The following MARCO variants were observed in gnomAD, a reference collection of about 807,000 sequenced individuals.
MARCO encodes the protein macrophage receptor MARCO.
A neutral mutation model predicts 70.0 loss-of-function variants in MARCO; 72 were observed. The observed-to-expected ratio is 1.03, with a 90% CI of 0.85 to 1.25. The LOEUF (loss-of-function observed/expected upper bound fraction) is 1.25. Among genes scored for constraint, MARCO ranks in the 50% most tolerant of loss-of-function variants. The probability of loss-of-function intolerance (pLI) is 0.00; values close to 1 mark genes in which losing one functional copy is unlikely to be tolerated. For missense variants in MARCO, 696 were observed against 659.3 expected (o/e 1.06, Z -0.61); for synonymous variants, 273 against 243.1 (o/e 1.12, Z -1.14).
At chr2:118,971,382 TG>T (rs1558837302) in intron 3 of MARCO, 116 bp from the exon 4 acceptor site, 1 of 976,652 alleles carries the variant, frequency 1.0e-6, no homozygotes, top group Non-Finnish European at 1.6e-6. Flanking sequence ...CACAGTCTGA[TG>T]GGAGCCCCAC....
intron 1 of MARCO, among the ~76,000 whole-genome samples, chr2:118,968,611 C>G (rs558165966): frequency 9.9e-5 from 15 of 152,180 alleles, no homozygotes; most frequent in African/African-American, 1.7e-4. Flanking sequence ...CCTTGTCATG[C>G]CCTGTACATT....
chr2:118,981,094 A>C (rs1486550935), intron 8 of MARCO, among the ~76,000 whole-genome samples: 2 of 152,152 alleles, frequency 1.3e-5, no homozygotes, highest in Non-Finnish European at 2.9e-5. Context: ...AATTGCCAAA[A>C]TGCAGACACT....
intron 1 of MARCO, among the ~76,000 whole-genome samples, chr2:118,953,907 G>T (rs929595976): frequency 3.3e-5 from 5 of 152,200 alleles, no homozygotes; most frequent in Admixed American, 2.6e-4. Flanking sequence ...GCAGCAGAAA[G>T]GCCCTGGGAG....
chr2:118,987,661 G>A (rs1249803046), intron 12 of MARCO, among the ~76,000 whole-genome samples: 1 of 152,192 alleles, frequency 6.6e-6, no homozygotes, highest in Non-Finnish European at 1.5e-5. Flanking sequence ...TTAGGGCAGT[G>A]TTACTCAAAA....
intron 1 of MARCO, among the ~76,000 whole-genome samples, chr2:118,958,966 C>T (rs190928488): frequency 2.8e-4 from 42 of 152,262 alleles, no homozygotes; most frequent in African/African-American, 9.4e-4. Context: ...CCTCCTCTCT[C>T]ACCTTGTACA....
At chr2:118,987,210 C>A (rs375707703) in intron 12 of MARCO, among the ~76,000 whole-genome samples, 1 of 152,192 alleles carries the variant, frequency 6.6e-6, no homozygotes. Flanking sequence ...TTGGGGAAAG[C>A]CAGCTTGCTT....
At chr2:118,973,052 G>A (rs1680203662) in intron 4 of MARCO, among the ~76,000 whole-genome samples, 1 of 151,916 alleles carries the variant, frequency 6.6e-6, no homozygotes, top group Admixed American at 6.5e-5. Context: ...TATGTACATA[G>A]AGAAAAACTC....
intron 8 of MARCO, among the ~76,000 whole-genome samples, chr2:118,978,888 T>C (rs1000649474): frequency 6.6e-6 from 1 of 152,076 alleles, no homozygotes; most frequent in Non-Finnish European, 1.5e-5. Context: ...TCCTGTAACG[T>C]AGAAAGGGAA....
intron 12 of MARCO, among the ~76,000 whole-genome samples, chr2:118,989,389 C>T (rs1281725970): frequency 6.6e-6 from 1 of 152,194 alleles, no homozygotes; most frequent in Admixed American, 6.5e-5. Context: ...TAGCTGCCCT[C>T]TCAGAATCTT....
rs374622106 is a variant in MARCO at position 118,969,162 on chromosome 2, C to A, written c.100C>A (p.Pro34Thr). The change falls in exon 2 of 17, where the codon CCA becomes ACA. Residue 34 changes from proline to threonine, a missense_variant and splice_region_variant. By Grantham distance (38) the Pro-to-Thr change is conservative (BLOSUM62 -1). Transcript: ENST00000327097. ...IAMEPFEINV[P>T]KPKRRNGVNF... The stretch of plus-strand genomic sequence containing the variant: ...CTTCCTCCTGGCTTGTGTTTCAGTT[C>A]CAAAGCCCAAGAGGAGAAATGGGGT... 6 of 1,612,616 alleles carry A rather than the reference C, an allele frequency of 3.7e-6. No homozygotes were observed. The African/African-American group carries it at 8.0e-5, about 21-fold the overall frequency.
chr2:118,987,492 T>C (rs1239056998), intron 12 of MARCO, among the ~76,000 whole-genome samples: 2 of 152,202 alleles, frequency 1.3e-5, no homozygotes, highest in Non-Finnish European at 2.9e-5. Context: ...ATTAAATACA[T>C]ATCAGAAGGC....
chr2:118,958,462 A>G (rs1463309492), intron 1 of MARCO, among the ~76,000 whole-genome samples: 1 of 151,994 alleles, frequency 6.6e-6, no homozygotes. Context: ...GAGTCAAAAG[A>G]CCTCTTCAAA....
At chr2:118,942,475 C>A in intron 1 of MARCO, 78 bp downstream of exon 1, 1 of 1,162,184 alleles carries the variant, frequency 8.6e-7, no homozygotes, top group Non-Finnish European at 1.3e-6. Flanking sequence ...ATAGACAAGT[C>A]AATAGAAAGT....
intron 12 of MARCO, among the ~76,000 whole-genome samples, chr2:118,986,381 G>A (rs1323710922): frequency 6.6e-6 from 1 of 151,890 alleles, no homozygotes; most frequent in African/African-American, 2.4e-5. Flanking sequence ...GGGCATAGTG[G>A]CATGTACCTG....
intron 12 of MARCO, among the ~76,000 whole-genome samples, chr2:118,986,652 A>AGAAAGAAAGAAAGAAAGAAG (rs1558671615): frequency 6.4e-4 from 31 of 48,408 alleles, no homozygotes; most frequent in Non-Finnish European, 9.5e-4. Flanking sequence ...AAAGAAAGAA[A>AGAAAGAAAGAAAGAAAGAAG]GAAGGAAGGA....
chr2:118,948,659 A>C (rs1679650544), intron 1 of MARCO, among the ~76,000 whole-genome samples: 1 of 152,180 alleles, frequency 6.6e-6, no homozygotes, highest in Non-Finnish European at 1.5e-5. Flanking sequence ...CTCCTCTTTT[A>C]CTTTTTAGTT....
At chr2:118,991,015 T>C (rs1375149156) in intron 13 of MARCO, among the ~76,000 whole-genome samples, 2 of 152,084 alleles carry the variant, frequency 1.3e-5, no homozygotes, top group Admixed American at 1.3e-4. Context: ...CCCACTTGTC[T>C]CTTCTTGGCC....
intron 1 of MARCO, among the ~76,000 whole-genome samples, chr2:118,964,753 T>C (rs1680012273): frequency 6.6e-6 from 1 of 152,014 alleles, no homozygotes; most frequent in Non-Finnish European, 1.5e-5. Context: ...CCGGGCATGG[T>C]GGCGTGCACC....
chr2:118,970,443 TC>T, intron 3 of MARCO, 105 bp downstream of exon 3: 1 of 859,322 alleles, frequency 1.2e-6, no homozygotes. Flanking sequence ...AAGTGTGACC[TC>T]CAAGAGCCAG....
Sources: allele counts gnomAD v4.1 joint callset (sites outside exome capture counted in the v4.1 genomes callset), GRCh38; gene constraint gnomAD v4.1.1; transcripts MANE v1.5; gene names NCBI Gene and HGNC (gene_info 2026-07-23, HGNC 2026-07-21).